OCA2: variants seen among roughly 807,000 people sequenced by gnomAD.
The protein encoded by OCA2 is P protein.
A neutral mutation model predicts 100.2 loss-of-function variants in OCA2; 77 were observed. The observed-to-expected ratio is 0.77, with a 90% CI of 0.64 to 0.93. The LOEUF (loss-of-function observed/expected upper bound fraction) is 0.93. Ranked by LOEUF, OCA2 falls within the 40% of genes least tolerant of loss-of-function variation. The pLI, the probability that OCA2 is intolerant of heterozygous loss-of-function variation, is 0.00. For synonymous variants in OCA2, 432 were observed against 439.2 expected (o/e 0.98, Z 0.21); for missense variants, 1,062 against 1,089.1 (o/e 0.98, Z 0.35).
intron 14 of OCA2, among the ~76,000 whole-genome samples, chr15:27,970,992 C>T (rs1015780340): frequency 6.6e-6 from 1 of 150,878 alleles, no homozygotes. Context: ...GGTGGGAAAA[C>T]GTGAAAAATG....
At chr15:28,008,803 A>G (rs1168649209) in intron 9 of OCA2, among the ~76,000 whole-genome samples, 4 of 152,274 alleles carry the variant, frequency 2.6e-5, no homozygotes, top group Non-Finnish European at 5.9e-5. Flanking sequence ...CTGAGGCAAC[A>G]GTGTCAGCAT....
At chr15:27,963,859 A>AAG (rs2040482075) in intron 15 of OCA2, among the ~76,000 whole-genome samples, 1 of 152,144 alleles carries the variant, frequency 6.6e-6, no homozygotes, top group Non-Finnish European at 1.5e-5. Flanking sequence ...AAACCAACCA[A>AAG]AGAGAGAGAG....
At chr15:27,985,228 G>A (rs746879768) in intron 12 of OCA2, 40 bp from the exon 13 acceptor site, 13 of 1,611,822 alleles carry the variant, frequency 8.1e-6, no homozygotes, top group Admixed American at 6.7e-5. Context: ...GCCAGAGTGA[G>A]CAGGCTCGTA....
chr15:27,818,448 A>C (rs931214067), intron 23 of OCA2, among the ~76,000 whole-genome samples: 2 of 152,216 alleles, frequency 1.3e-5, no homozygotes, highest in African/African-American at 4.8e-5. Context: ...AGAATTTTAC[A>C]GTCTAATAGT....
At chr15:28,026,743 C>T (rs542958337) in intron 4 of OCA2, among the ~76,000 whole-genome samples, 1 of 152,326 alleles carries the variant, frequency 6.6e-6, no homozygotes, top group East Asian at 1.9e-4. Context: ...CGGGCCTCTT[C>T]GCACCCCGGG....
intron 19 of OCA2, among the ~76,000 whole-genome samples, chr15:27,878,459 T>C (rs1446768788): frequency 1.3e-5 from 2 of 152,156 alleles, no homozygotes; most frequent in Non-Finnish European, 2.9e-5. Flanking sequence ...CTTTTATTCC[T>C]GAAGGATTAT....
At chr15:28,042,701 G>T (rs965278986) in intron 2 of OCA2, among the ~76,000 whole-genome samples, 1 of 151,746 alleles carries the variant, frequency 6.6e-6, no homozygotes, top group African/African-American at 2.4e-5. Context: ...TAAAAATTAA[G>T]GGACTTGGAG....
intron 23 of OCA2, among the ~76,000 whole-genome samples, chr15:27,812,012 G>A (rs1296614589): frequency 6.6e-6 from 1 of 152,180 alleles, no homozygotes; most frequent in African/African-American, 2.4e-5. Flanking sequence ...TTTAAAAAAT[G>A]ATCTTGAAGT....
At chr15:28,015,551 G>T (rs979646133) in intron 8 of OCA2, among the ~76,000 whole-genome samples, 1 of 152,142 alleles carries the variant, frequency 6.6e-6, no homozygotes, top group Non-Finnish European at 1.5e-5. Flanking sequence ...AGTAGGATGG[G>T]TGTCCATACA....
chr15:27,959,788 C>G (rs993615230), intron 15 of OCA2, among the ~76,000 whole-genome samples: 3 of 152,216 alleles, frequency 2.0e-5, no homozygotes, highest in Non-Finnish European at 4.4e-5. Flanking sequence ...TCATGCACAC[C>G]CAGCACCTAC....
the OCA2 span, among the ~76,000 whole-genome samples, chr15:27,723,534 C>A: frequency 7.2e-5 from 11 of 151,964 alleles, no homozygotes; most frequent in Admixed American, 6.6e-4. Flanking sequence ...CCACCACCAC[C>A]AAGAAGGCAG....
chr15:27,945,302 A>G (rs1157437250), intron 18 of OCA2, among the ~76,000 whole-genome samples: 2 of 152,190 alleles, frequency 1.3e-5, no homozygotes, highest in South Asian at 4.1e-4. Flanking sequence ...AACAAGGCCA[A>G]GCAGACTCCT....
At chr15:28,088,367 C>T (rs1006834394) in intron 1 of OCA2, among the ~76,000 whole-genome samples, 2 of 152,116 alleles carry the variant, frequency 1.3e-5, no homozygotes, top group South Asian at 2.1e-4. Flanking sequence ...AAAGGAGGTA[C>T]GTTTTCTTGA....
At chr15:27,943,459 T>C (rs1308322536) in intron 18 of OCA2, among the ~76,000 whole-genome samples, 1 of 152,158 alleles carries the variant, frequency 6.6e-6, no homozygotes, top group Non-Finnish European at 1.5e-5. Flanking sequence ...AAGTTGTCTT[T>C]TGTGGGGAAA....
intron 14 of OCA2, among the ~76,000 whole-genome samples, chr15:27,982,263 G>A (rs1004996642): frequency 9.2e-5 from 14 of 152,296 alleles, no homozygotes; most frequent in African/African-American, 3.4e-4. Flanking sequence ...GTATGTGCAT[G>A]TGCATGTCTG....
At chr15:28,016,901 G>A (rs537482520) in intron 7 of OCA2, among the ~76,000 whole-genome samples, 2 of 152,128 alleles carry the variant, frequency 1.3e-5, no homozygotes, top group Non-Finnish European at 2.9e-5. Context: ...GCAACTGCTT[G>A]CAACCTGGAG....
intron 9 of OCA2, among the ~76,000 whole-genome samples, chr15:28,005,393 G>C (rs1010496979): frequency 6.6e-6 from 1 of 152,092 alleles, no homozygotes; most frequent in African/African-American, 2.4e-5. Flanking sequence ...GAGTTTCCCG[G>C]GCTGCTGTCA....
chr15:27,924,479 T>C (rs1230823178), intron 19 of OCA2, among the ~76,000 whole-genome samples: 1 of 152,138 alleles, frequency 6.6e-6, no homozygotes, highest in Non-Finnish European at 1.5e-5. Context: ...TTATATATGT[T>C]AGGCATATAA....
Position 27,985,048 on chromosome 15 carries a change from G to A in OCA2, c.1364+16C>T. 2 of 1,613,722 alleles carry A rather than the reference G, an allele frequency of 1.2e-6. No individual in the cohort carries two copies. Among genetic ancestry groups the A allele is most frequent in the Non-Finnish European group, 1.7e-6 (2 of 1,179,814 alleles). ...GAACCTGGCCGCAACTCCCACGGCA[G>A]AGGTGCTTTGCGTACCTTATGGTCA... On this transcript the variant is annotated intron_variant, in intron 13 of 23. Coordinates refer to ENST00000354638, the MANE Select transcript of OCA2 (RefSeq NM_000275.3).
Sources: gnomAD v4.1 joint callset for allele counts (sites outside exome capture counted in the v4.1 genomes callset) on GRCh38, gnomAD v4.1.1 for gene constraint, MANE v1.5 for transcripts, NCBI Gene and HGNC (gene_info 2026-07-23, HGNC 2026-07-21) for gene names.